The following ZNF248 variants were observed in gnomAD, a reference collection of about 807,000 sequenced individuals.
The protein encoded by ZNF248 is KRAB protein domain.
Under a neutral mutation model 44.3 loss-of-function variants are expected in ZNF248, and 20 were observed. That is an observed-to-expected ratio of 0.45 (90% CI 0.32 to 0.66). The LOEUF is 0.66. ZNF248 is among the 30% of genes least tolerant of loss of function. ZNF248 has a pLI of 0.04. For missense variants in ZNF248, 654 were observed against 677.0 expected, an observed-to-expected ratio of 0.97 and a Z score of 0.38; for synonymous variants, 224 against 229.0, an observed-to-expected ratio of 0.98 and a Z score of 0.20.
At chr10:37,801,375 C>A (rs534347364) in intron 6 of ZNF248, among the ~76,000 whole-genome samples, 16 of 143,368 alleles carry the variant, frequency 1.1e-4, no homozygotes, top group Admixed American at 9.8e-4. Flanking sequence ...GACTCCGTCT[C>A]AAAAAAAAAA....
chr10:37,790,343 G>A (rs1037268294), intron 6 of ZNF248, among the ~76,000 whole-genome samples: 10 of 151,974 alleles, frequency 6.6e-5, no homozygotes, highest in Non-Finnish European at 1.2e-4. Context: ...ATTTTGGGAG[G>A]CTGAGGCTGG....
intron 6 of ZNF248, chr10:37,818,712 A>G: frequency 1.7e-6 from 1 of 580,776 alleles, no homozygotes; most frequent in South Asian, 1.8e-5. Context: ...GTAGGGGGTC[A>G]CAGGCCAGTT....
exon 7 of ZNF248, chr10:37,776,539 A>G (rs1032302725): frequency 2.5e-6 from 1 of 398,350 alleles, no homozygotes; most frequent in African/African-American, 2.1e-5. Flanking sequence ...TTCTTACTTC[A>G]CAAGAACTGC....
intron 6 of ZNF248, among the ~76,000 whole-genome samples, chr10:37,779,101 A>G (rs539211052): frequency 6.6e-6 from 1 of 152,150 alleles, no homozygotes; most frequent in South Asian, 2.1e-4. Context: ...AGGAACTGGT[A>G]CCATTCCTTC....
At chr10:37,797,346 C>A (rs1387886087) in intron 6 of ZNF248, among the ~76,000 whole-genome samples, 2 of 151,214 alleles carry the variant, frequency 1.3e-5, no homozygotes, top group Non-Finnish European at 2.9e-5. Flanking sequence ...TACTTTAAAA[C>A]CCCTTGAGGA....
chr10:37,801,528 TAACA>T (rs1384966647), intron 6 of ZNF248, among the ~76,000 whole-genome samples: 5 of 152,138 alleles, frequency 3.3e-5, no homozygotes, highest in African/African-American at 1.2e-4. Flanking sequence ...GGAGAGTTGG[TAACA>T]AATATAATAC....
chr10:37,777,413 CCT>C (rs1268082282), intron 6 of ZNF248, among the ~76,000 whole-genome samples: 1 of 152,152 alleles, frequency 6.6e-6, no homozygotes, highest in African/African-American at 2.4e-5. Flanking sequence ...TGATTTCCTC[CCT>C]GTTCCCCTCC....
chr10:37,779,518 A>C (rs2047023960), intron 6 of ZNF248, among the ~76,000 whole-genome samples: 1 of 151,986 alleles, frequency 6.6e-6, no homozygotes, highest in Middle Eastern at 3.2e-3. Flanking sequence ...CGTATTTCAA[A>C]ATAATAAGAG....
At chr10:37,854,746 C>T (rs879014891) in intron 3 of ZNF248, among the ~76,000 whole-genome samples, 1 of 152,158 alleles carries the variant, frequency 6.6e-6, no homozygotes, top group Admixed American at 6.5e-5. Context: ...TATTCATTAC[C>T]ACATGGTTTG....
At chr10:37,768,341 C>A in the ZNF248 span, among the ~76,000 whole-genome samples, 2 of 152,016 alleles carry the variant, frequency 1.3e-5, no homozygotes, top group Non-Finnish European at 2.9e-5. Flanking sequence ...CAGCACCACA[C>A]CTATTCCAAA....
chr10:37,828,185 T>G (rs911241738), downstream of ZNF248, among the ~76,000 whole-genome samples: 1 of 152,194 alleles, frequency 6.6e-6, no homozygotes, highest in African/African-American at 2.4e-5. Context: ...TTGGTTTACA[T>G]GCATGTGTTA....
the ZNF248 span, among the ~76,000 whole-genome samples, chr10:37,763,988 C>T: frequency 6.6e-6 from 1 of 152,086 alleles, no homozygotes; most frequent in African/African-American, 2.4e-5. Context: ...ATTGTTTAAA[C>T]AATATGAAAT....
intron 6 of ZNF248, among the ~76,000 whole-genome samples, chr10:37,809,196 TA>T (rs1214254164): frequency 6.6e-6 from 1 of 152,232 alleles, no homozygotes; most frequent in African/African-American, 2.4e-5. Flanking sequence ...TGATTTTCTC[TA>T]TTGTTTTTCT....
chr10:37,836,695 C>T (rs1347712897), intron 5 of ZNF248, among the ~76,000 whole-genome samples: 1 of 151,972 alleles, frequency 6.6e-6, no homozygotes, highest in Non-Finnish European at 1.5e-5. Context: ...TACCATGACC[C>T]AACACAGTGT....
intron 6 of ZNF248, chr10:37,820,347 T>G (rs1050575378): frequency 1.1e-5 from 16 of 1,405,120 alleles, no homozygotes; most frequent in Admixed American, 6.7e-5. Flanking sequence ...AGCTCCCCTT[T>G]GTGCCAGCTG....
chr10:37,820,801 C>T, intron 6 of ZNF248: 1 of 1,180,590 alleles, frequency 8.5e-7, no homozygotes, highest in South Asian at 1.2e-5. Flanking sequence ...TTCATTTTGC[C>T]TTTTGTTTCC....
chr10:37,790,657 C>G (rs769430220), intron 6 of ZNF248, among the ~76,000 whole-genome samples: 94 of 151,890 alleles, frequency 6.2e-4, no homozygotes, highest in Non-Finnish European at 1.1e-3. Context: ...TTGCAGTGAG[C>G]CGAGATGGCA....
At chr10:37,796,224 T>A (rs539578363) in intron 6 of ZNF248, 28 of 146,548 alleles carry the variant, frequency 1.9e-4, no homozygotes, top group Admixed American at 1.8e-3. Context: ...TTATAATACT[T>A]TTTTTTTTTT....
the ZNF248 span, among the ~76,000 whole-genome samples, chr10:37,767,586 TCA>T: frequency 6.6e-6 from 1 of 152,154 alleles, no homozygotes; most frequent in Non-Finnish European, 1.5e-5. Context: ...AGAGATTTTG[TCA>T]CCACCAGGCC....
Sources: allele counts gnomAD v4.1 joint callset (sites outside exome capture counted in the v4.1 genomes callset), GRCh38; gene constraint gnomAD v4.1.1; transcripts MANE v1.5; gene names NCBI Gene and HGNC (gene_info 2026-07-23, HGNC 2026-07-21).